Variants in WASHC2C observed in about 807,000 individuals in gnomAD.
WASHC2C encodes Vaccinia Penetration Factor.
In WASHC2C, 73 loss-of-function variants were observed where a neutral mutation model predicts 142.2. That is an observed-to-expected ratio of 0.51 (90% CI 0.43 to 0.62). WASHC2C has a LOEUF of 0.62. Ranked by LOEUF, WASHC2C falls within the 20% of genes least tolerant of loss-of-function variation. The probability of loss-of-function intolerance (pLI) is 0.00; values close to 1 mark genes in which losing one functional copy is unlikely to be tolerated. For synonymous variants in WASHC2C, 337 were observed against 565.5 expected (o/e 0.60, Z 5.73); for missense variants, 969 against 1,531.7 (o/e 0.63, Z 6.13).
intron 6 of WASHC2C, among the ~76,000 whole-genome samples, 167 bp from the exon 7 acceptor site, chr10:45,744,654 A>G (rs1293665625): frequency 6.6e-6 from 1 of 151,386 alleles, no homozygotes; most frequent in South Asian, 2.1e-4. Flanking sequence ...TCAAGACTAC[A>G]TAAATATGTA....
At chr10:45,753,826 T>G (rs1314240205) in intron 13 of WASHC2C, among the ~76,000 whole-genome samples, 2 of 114,718 alleles carry the variant, frequency 1.7e-5, no homozygotes, top group Non-Finnish European at 3.5e-5. Context: ...TATAAATATG[T>G]TTTTTTTTTT....
chr10:45,749,560 C>T (rs1412505032), intron 8 of WASHC2C, among the ~76,000 whole-genome samples: 7 of 150,988 alleles, frequency 4.6e-5, no homozygotes, highest in Middle Eastern at 3.5e-3. Flanking sequence ...CTTGGTGGCT[C>T]ACGCCTGTAA....
chr10:45,753,825 G>GTT (rs531628513), intron 13 of WASHC2C, among the ~76,000 whole-genome samples: 211 of 137,520 alleles, frequency 1.5e-3, no homozygotes, highest in African/African-American at 4.8e-3. Context: ...ATATAAATAT[G>GTT]TTTTTTTTTT....
Position 45,787,238 on chromosome 10 carries a change from T to C in WASHC2C, c.3078T>C (p.Ser1026=). Residue 1026 remains serine (S), a synonymous_variant, in exon 28 of 31, where the codon AGT becomes AGC. Transcript: ENST00000623400. ...DLPAQADTLH[S]ANKSRVKMRG... is the part of the protein sequence containing the mutation. Reference sequence around the variant, plus strand: ...CAGCTCAGGCAGACACCTTACACAGTGCAAACAAGGTGATGAAACCATCTT... The same window carrying C: ...CAGCTCAGGCAGACACCTTACACAGCGCAAACAAGGTGATGAAACCATCTT... The C allele has an allele frequency of 1.4e-6, 2 of 1,455,102 alleles. No homozygotes were observed. Among genetic ancestry groups the C allele is most frequent in the Non-Finnish European group, 1.9e-6 (2 of 1,063,080 alleles). The allele number at this position is 1,455,102 out of a possible 1,614,324, so 90.1% of individuals were successfully genotyped here. A position where few individuals can be genotyped will look rare whatever the true frequency, so the allele number is the denominator to read the frequency against.
chr10:45,754,060 C>T (rs1437029686), intron 13 of WASHC2C, among the ~76,000 whole-genome samples: 7 of 151,866 alleles, frequency 4.6e-5, no homozygotes, highest in African/African-American at 1.7e-4. Flanking sequence ...CCCCTTTGCT[C>T]TTATGTCTTT....
At chr10:45,751,927 T>A (rs1311968540) in intron 11 of WASHC2C, among the ~76,000 whole-genome samples, 3 of 152,164 alleles carry the variant, frequency 2.0e-5, no homozygotes, top group African/African-American at 7.2e-5. Context: ...CAGTGAGCCT[T>A]GATCGCGCCA....
At chr10:45,738,136 G>A (rs1554865667) in intron 4 of WASHC2C, 91 bp downstream of exon 4, 5 of 1,611,238 alleles carry the variant, frequency 3.1e-6, no homozygotes, top group African/African-American at 1.3e-5. Context: ...GGGATGGTGG[G>A]TGGGGTTGGG....
intron 10 of WASHC2C, 99 bp downstream of exon 10, chr10:45,750,937 T>C (rs879992702): frequency 2.2e-4 from 183 of 822,830 alleles, no homozygotes; most frequent in Middle Eastern, 3.6e-4. Context: ...TAGTAATTAC[T>C]ACATATATTT....
At chr10:45,772,068 A>G (rs1554884828) in intron 20 of WASHC2C, among the ~76,000 whole-genome samples, 1 of 152,292 alleles carries the variant, frequency 6.6e-6, no homozygotes, top group African/African-American at 2.4e-5. Context: ...TCAGCAATAA[A>G]AAAGAATAAA....
rs782381636 is a variant in WASHC2C, at chr10:45,755,081, T to C, written c.1386T>C (p.Phe462=). ...DDDDGDDDDD[F]FSAPHSKPSK... is the part of the protein sequence containing the mutation. ...ATGATGGTGATGATGATGACGACTT[T>C]TTCTCGGCACCCCACAGCAAACCTT... The change falls in exon 15 of 31, where the codon TTT becomes TTC. Residue 462 remains phenylalanine (F), a synonymous_variant. Coordinates refer to ENST00000623400, the MANE Select transcript of WASHC2C (RefSeq NM_001330074.2). 1 of 1,611,244 alleles carries C rather than the reference T, an allele frequency of 6.2e-7. No individual in the cohort carries two copies. Among genetic ancestry groups the C allele is most frequent in the African/African-American group, 1.3e-5 (1 of 74,700 alleles).
intron 6 of WASHC2C, among the ~76,000 whole-genome samples, chr10:45,744,088 C>A (rs1424110431): frequency 6.7e-6 from 1 of 150,294 alleles, no homozygotes; most frequent in South Asian, 2.1e-4. Context: ...GCCGGAGTTT[C>A]TCTCTGGTCA....
Position 45,744,249 on chromosome 10 carries a change from G to A in WASHC2C, c.623-572G>A, listed in dbSNP as rs1193566152. ...AATTTTTGTATTTTTAGTAGAGATG[G>A]GGTTTTACCATGTTGGGCAGGTTGG... On this transcript the variant is annotated intron_variant, in intron 6 of 30. Coordinates refer to ENST00000623400, the MANE Select transcript of WASHC2C (RefSeq NM_001330074.2). Among the ~76,000 whole-genome samples the A allele has an allele frequency of 3.7e-4, 55 of 147,680 alleles. No homozygotes were observed. In the South Asian group the frequency reaches 0.011, roughly 29 times the overall value.
chr10:45,784,287 T>TACACACACAC (rs1184044056), intron 23 of WASHC2C, among the ~76,000 whole-genome samples: 3 of 8,526 alleles, frequency 3.5e-4, no homozygotes, highest in Admixed American at 2.7e-3. Flanking sequence ...TATATATATA[T>TACACACACAC]ATACACATAT....
chr10:45,775,485 T>A, intron 21 of WASHC2C, among the ~76,000 whole-genome samples: 1 of 108,384 alleles, frequency 9.2e-6, no homozygotes, highest in Admixed American at 9.6e-5. Flanking sequence ...AGACTCCATC[T>A]CAAAAAAAAA....
chr10:45,784,285 TATATACACATATATATATATATATATAC>T (rs2057821010), intron 23 of WASHC2C, among the ~76,000 whole-genome samples: 1 of 7,610 alleles, frequency 1.3e-4, no homozygotes, highest in Non-Finnish European at 3.7e-4. Context: ...TATATATATA[TATATACACATATATATATATATATATAC>T]ACACACATAT....
chr10:45,782,690 A>G (rs2057614807), intron 23 of WASHC2C, among the ~76,000 whole-genome samples: 1 of 152,294 alleles, frequency 6.6e-6, no homozygotes. Context: ...CATAATAGCC[A>G]AAAGATGGAA....
chr10:45,728,750 T>G lies in WASHC2C; in HGVS notation c.127-112T>G. Reference sequence around the variant, plus strand: ...TCTCTCAAAAAAAAAAAAAAGCATTTCTTTCACATTCTAACACTCAAAGGT... The same window carrying G: ...TCTCTCAAAAAAAAAAAAAAGCATTGCTTTCACATTCTAACACTCAAAGGT... On this transcript the variant is annotated intron_variant, in intron 2 of 30. Transcript: ENST00000623400. The G allele has an allele frequency of 4.3e-6, 6 of 1,397,584 alleles. No homozygotes were observed. The South Asian group carries it at 7.8e-5, about 18-fold the overall frequency. 86.6% of individuals were successfully genotyped at this position (1,397,584 alleles called of 1,614,324 possible).
chr10:45,729,060 T>C, intron 3 of WASHC2C, 34 bp downstream of exon 3: 1 of 1,590,712 alleles, frequency 6.3e-7, no homozygotes. Flanking sequence ...ATTCCTTTTT[T>C]GGGAGTAGGA....
intron 2 of WASHC2C, among the ~76,000 whole-genome samples, chr10:45,727,944 C>T (rs879085478): frequency 6.6e-6 from 1 of 152,238 alleles, no homozygotes; most frequent in African/African-American, 2.4e-5. Flanking sequence ...CAGAACTGTT[C>T]GAGTCCCAAA....
Sources: gnomAD v4.1 joint callset for allele counts (sites outside exome capture counted in the v4.1 genomes callset) on GRCh38, gnomAD v4.1.1 for gene constraint, MANE v1.5 for transcripts, NCBI Gene and HGNC (gene_info 2026-07-23, HGNC 2026-07-21) for gene names.